SEC31A: variants seen among roughly 807,000 people sequenced by gnomAD.
SEC31A encodes SEC31 homolog A, COPII component.
In SEC31A, 70 loss-of-function variants were observed where a neutral mutation model predicts 151.0. The observed-to-expected ratio is 0.46, with a 90% confidence interval of 0.38 to 0.57. The LOEUF (loss-of-function observed/expected upper bound fraction) is 0.57, where lower values mean the gene tolerates loss of function less well. Ranked by LOEUF, SEC31A falls within the 20% of genes least tolerant of loss-of-function variation. The pLI is 0.00. For synonymous variants in SEC31A, 475 were observed against 505.9 expected, an observed-to-expected ratio of 0.94 and a Z score of 0.82; for missense variants, 1,330 against 1,471.2, an observed-to-expected ratio of 0.90 and a Z score of 1.57.
intron 7 of SEC31A, 96 bp downstream of exon 7, chr4:82,871,848 G>C: frequency 1.4e-6 from 2 of 1,475,756 alleles, no homozygotes; most frequent in South Asian, 1.3e-5. Flanking sequence ...AAAAAAAAAA[G>C]TTCCTGTGTC....
chr4:82,822,726 C>G (rs1376446691), intron 25 of SEC31A, among the ~76,000 whole-genome samples: 7 of 152,194 alleles, frequency 4.6e-5, no homozygotes, highest in Admixed American at 4.6e-4. Flanking sequence ...GTAATCCCAG[C>G]ACTTTGAGAG....
At chr4:82,874,847 C>G (rs1284949272) in intron 5 of SEC31A, 96 bp from the exon 6 acceptor site, 87 of 1,417,180 alleles carry the variant, frequency 6.1e-5, no homozygotes, top group Non-Finnish European at 8.0e-5. Context: ...AAGTGTATTA[C>G]TTAAAAATCT....
At chr4:82,891,188 C>T (rs1262942051), upstream of SEC31A, 1 of 1,534,184 alleles carries the variant, frequency 6.5e-7, no homozygotes, top group Non-Finnish European at 8.7e-7. Context: ...GGGCCACCTC[C>T]ACGTTCCGTT....
At chr4:82,880,601 G>GAAA in intron 3 of SEC31A, 198 bp downstream of exon 3, 1 of 359,346 alleles carries the variant, frequency 2.8e-6, no homozygotes, top group Non-Finnish European at 4.8e-6. Context: ...AAAAAAAAAA[G>GAAA]AAAAAAAAAA....
rs1336486596 is a variant in SEC31A, at chr4:82,849,624, A to AAG, written c.2329-648_2329-647insCT. On this transcript the variant is annotated intron_variant, in intron 19 of 26. Transcript: ENST00000395310. Reference sequence around the variant, plus strand: ...GCAAGAATCCGTCTCAAAAAAAAAAAAAAAAAACTATAACTAAAAGAGGCC... The same window carrying AAG: ...GCAAGAATCCGTCTCAAAAAAAAAAAAGAAAAAAACTATAACTAAAAGAGGCC... Among the ~76,000 whole-genome samples, 9 of 151,580 alleles carry AAG rather than the reference A, an allele frequency of 5.9e-5. 1 individual carries two copies. In the East Asian group the frequency reaches 1.4e-3, roughly 23 times the overall value.
intron 1 of SEC31A, among the ~76,000 whole-genome samples, chr4:82,884,659 T>C (rs1365098879): frequency 1.3e-5 from 2 of 152,264 alleles, no homozygotes; most frequent in Non-Finnish European, 1.5e-5. Context: ...TCTGTCATTA[T>C]AGTATCACAC....
At chr4:82,861,596 A>C in intron 14 of SEC31A, 35 bp downstream of exon 14, 1 of 1,400,248 alleles carries the variant, frequency 7.1e-7, no homozygotes, top group Non-Finnish European at 9.9e-7. Context: ...AATATCACAA[A>C]TTTGTCCAAT....
chr4:82,863,161 G>A (rs1199159632), intron 12 of SEC31A, 157 bp downstream of exon 12: 2 of 558,978 alleles, frequency 3.6e-6, no homozygotes, highest in Admixed American at 7.6e-5. Flanking sequence ...GGGTAATGAT[G>A]GAGAATAAGA....
chr4:82,874,663 C>A lies in SEC31A; in HGVS notation c.587G>T (p.Trp196Leu). Residue 196 changes from tryptophan (W) to leucine (L), a missense_variant, in exon 6 of 27, where the codon TGG (tryptophan) becomes TTG (leucine). Transcript: ENST00000395310. Reference sequence around the variant, plus strand: ...GATTGGCTCATTTTTTCTAAGATCCCATACAGTGGCCCGGCCACTGGGACT... The same window carrying A: ...GATTGGCTCATTTTTTCTAAGATCCAATACAGTGGCCCGGCCACTGGGACT... Reference protein sequence around the residue: ...SASPSGRATVWDLRKNEPIIK... With the variant: ...SASPSGRATVLDLRKNEPIIK... 1 of 1,613,192 alleles carries A rather than the reference C, an allele frequency of 6.2e-7. No individual in the cohort carries two copies. The highest frequency in any genetic ancestry group is 8.5e-7 in the Non-Finnish European group (1 of 1,179,860).
At position 82,864,367 on chromosome 4, in the gene SEC31A, A is replaced by G; in HGVS notation, c.1429T>C (p.Leu477=). ...GCTTTAAACAGCAACTTTACCTTCA[A>G]AAAGGACCACACATTTTTCTCAAAT... ...TEFEKNVWSF[L]KVNFEDDSRG... The change falls in exon 11 of 27, where the codon TTG becomes CTG. Residue 477 remains leucine (L), a synonymous_variant. Transcript: ENST00000395310. The G allele has an allele frequency of 1.9e-6, 3 of 1,610,680 alleles. No homozygotes were observed. The highest frequency in any genetic ancestry group is 1.7e-6 in the Non-Finnish European group (2 of 1,176,860).
intron 24 of SEC31A, among the ~76,000 whole-genome samples, chr4:82,826,018 G>T (rs2148976458): frequency 6.6e-6 from 1 of 152,270 alleles, no homozygotes; most frequent in South Asian, 2.1e-4. Context: ...GTATGAATTA[G>T]GTTTTGGACA....
chr4:82,845,910 A>G (rs772123709), intron 20 of SEC31A, among the ~76,000 whole-genome samples: 6 of 152,180 alleles, frequency 3.9e-5, no homozygotes, highest in Non-Finnish European at 8.8e-5. Flanking sequence ...GTACAACTCA[A>G]TGGTGATTCC....
chr4:82,881,137 A>C (rs1739198538), intron 2 of SEC31A, among the ~76,000 whole-genome samples: 1 of 152,132 alleles, frequency 6.6e-6, no homozygotes, highest in African/African-American at 2.4e-5. Context: ...TAATTTTTTA[A>C]GCCTGTATAT....
upstream of SEC31A, among the ~76,000 whole-genome samples, chr4:82,896,205 T>C (rs1013410583): frequency 6.6e-6 from 1 of 152,162 alleles, no homozygotes. Flanking sequence ...GAGAAATAAA[T>C]ATTGTTTAAC....
At chr4:82,890,907 AG>A in intron 1 of SEC31A, 180 bp downstream of exon 1, 1 of 1,411,428 alleles carries the variant, frequency 7.1e-7, no homozygotes, top group South Asian at 1.5e-5. Context: ...ACTGGAGTCC[AG>A]ATGCCAGGCG....
At chr4:82,867,851 T>C (rs1229753257) in intron 8 of SEC31A, among the ~76,000 whole-genome samples, 1 of 152,232 alleles carries the variant, frequency 6.6e-6, no homozygotes, top group Non-Finnish European at 1.5e-5. Context: ...CAGGCTTGCC[T>C]TGAACTGCTG....
intron 4 of SEC31A, among the ~76,000 whole-genome samples, chr4:82,877,085 C>T (rs1054808133): frequency 1.3e-5 from 2 of 151,838 alleles, no homozygotes; most frequent in African/African-American, 4.8e-5. Context: ...AAAAATTAGC[C>T]AGGTGTTGTG....
chr4:82,878,786 C>T lies in SEC31A; in HGVS notation c.346G>A (p.Ala116Thr). The change falls in exon 4 of 27, where the codon GCC becomes ACC. Residue 116 changes from alanine to threonine, a missense_variant. Ala to Thr is a moderately conservative substitution (Grantham distance 58). Coordinates refer to ENST00000395310, the MANE Select transcript of SEC31A (RefSeq NM_001077207.4). ...IIAGDKEVVI[A>T]QNDKHTGPVR... is the part of the protein sequence containing the mutation. ...GGGCCAGTATGCTTGTCATTCTGGGCAATCACAACTTCCTTGTCTCCAGCT... is the reference window on the plus strand; with the variant it reads ...GGGCCAGTATGCTTGTCATTCTGGGTAATCACAACTTCCTTGTCTCCAGCT... 2 of 1,614,094 alleles carry T rather than the reference C, an allele frequency of 1.2e-6. No individual in the cohort carries two copies. The highest frequency in any genetic ancestry group is 1.7e-6 in the Non-Finnish European group (2 of 1,179,986).
rs757906561 is a variant in SEC31A, at chr4:82,880,934, A to G, written c.80-12T>C. 7 of 1,592,056 alleles carry G rather than the reference A, an allele frequency of 4.4e-6. No individual in the cohort carries two copies. The highest frequency in any genetic ancestry group is 5.1e-6 in the Non-Finnish European group (6 of 1,167,614). The stretch of plus-strand genomic sequence containing the variant: ...CTGAGCAGATGTTCCTATAGAAAAT[A>G]TATTTATGGTAACTATACACACAAA... On this transcript the variant is annotated splice_polypyrimidine_tract_variant and intron_variant, in intron 2 of 26. Coordinates refer to ENST00000395310, the MANE Select transcript of SEC31A (RefSeq NM_001077207.4).
Sources: allele counts gnomAD v4.1 joint callset (sites outside exome capture counted in the v4.1 genomes callset), GRCh38; gene constraint gnomAD v4.1.1; transcripts MANE v1.5; gene names NCBI Gene and HGNC (gene_info 2026-07-23, HGNC 2026-07-21).